CCDC7: variants seen among roughly 807,000 people sequenced by gnomAD.
CCDC7 encodes the protein coiled-coil domain containing 7.
A neutral mutation model predicts 196.9 loss-of-function variants in CCDC7; 183 were observed. That is an observed-to-expected ratio of 0.93 (90% CI 0.82 to 1.05). CCDC7 has a LOEUF of 1.05. Ranked by LOEUF, CCDC7 falls within the 50% of genes least tolerant of loss-of-function variation. The probability of loss-of-function intolerance (pLI) is 0.00; values close to 1 mark genes in which losing one functional copy is unlikely to be tolerated. For missense variants in CCDC7, 1,540 were observed against 1,482.2 expected, an observed-to-expected ratio of 1.04 and a Z score of -0.64; for synonymous variants, 525 against 484.6, an observed-to-expected ratio of 1.08 and a Z score of -1.10.
intron 25 of CCDC7, among the ~76,000 whole-genome samples, chr10:32,717,538 TGAA>T (rs1451302909): frequency 3.1e-4 from 47 of 151,928 alleles, no homozygotes; most frequent in Admixed American, 3.1e-3. Context: ...AGAGCAGAAC[TGAA>T]GGAGAGAGAG....
intron 11 of CCDC7, among the ~76,000 whole-genome samples, chr10:32,522,916 CTGAT>C (rs962528853): frequency 7.2e-5 from 11 of 152,134 alleles, no homozygotes; most frequent in East Asian, 5.8e-4. Context: ...TCTTCATTGA[CTGAT>C]TGGTCATTCA....
At chr10:32,784,694 C>G (rs184147298) in intron 29 of CCDC7, among the ~76,000 whole-genome samples, 1 of 152,160 alleles carries the variant, frequency 6.6e-6, no homozygotes, top group Non-Finnish European at 1.5e-5. Context: ...GCCTCAGCCT[C>G]CAGAGTAGCT....
intron 13 of CCDC7, among the ~76,000 whole-genome samples, chr10:32,563,446 A>G (rs1175595797): frequency 6.6e-6 from 1 of 152,230 alleles, no homozygotes; most frequent in African/African-American, 2.4e-5. Flanking sequence ...TGGTACCAAA[A>G]CAGAGATATA....
At chr10:32,459,804 AGG>A (rs2035235320) in intron 3 of CCDC7, among the ~76,000 whole-genome samples, 1 of 152,080 alleles carries the variant, frequency 6.6e-6, no homozygotes, top group Non-Finnish European at 1.5e-5. Context: ...AAAATGAACA[AGG>A]CCAAAGGACC....
intron 9 of CCDC7, among the ~76,000 whole-genome samples, chr10:32,517,574 C>T (rs1177228316): frequency 2.3e-5 from 3 of 127,984 alleles, no homozygotes. Flanking sequence ...ACAATGAGAA[C>T]ACATGGACAC....
intron 41 of CCDC7, among the ~76,000 whole-genome samples, chr10:32,865,870 C>A (rs538393234): frequency 1.1e-4 from 17 of 151,864 alleles, no homozygotes; most frequent in African/African-American, 4.1e-4. Flanking sequence ...CATGTTTTCC[C>A]ATTATTGGAA....
intron 24 of CCDC7, among the ~76,000 whole-genome samples, chr10:32,703,423 C>A (rs1332448097): frequency 6.6e-6 from 1 of 151,946 alleles, no homozygotes; most frequent in African/African-American, 2.4e-5. Flanking sequence ...GGTAACGCGA[C>A]ATTTCTTTCT....
chr10:32,681,736 T>TACACAC (rs1491330656), intron 21 of CCDC7, among the ~76,000 whole-genome samples: 2 of 100,126 alleles, frequency 2.0e-5, no homozygotes, highest in Admixed American at 1.1e-4. Context: ...TATTTATATG[T>TACACAC]ATACACACAC....
chr10:32,809,954 A>G (rs1242624875), intron 30 of CCDC7, among the ~76,000 whole-genome samples: 1 of 152,206 alleles, frequency 6.6e-6, no homozygotes, highest in East Asian at 1.9e-4. Flanking sequence ...CACTATTCAC[A>G]ATAGCAAAAA....
chr10:32,767,012 C>T (rs868059096), intron 28 of CCDC7, among the ~76,000 whole-genome samples: 24 of 152,138 alleles, frequency 1.6e-4, no homozygotes, highest in Middle Eastern at 3.4e-3. Flanking sequence ...GACTTCCATT[C>T]AGCCATCTTG....
chr10:32,502,895 A>T (rs1184197597), intron 9 of CCDC7, among the ~76,000 whole-genome samples: 1 of 152,012 alleles, frequency 6.6e-6, no homozygotes, highest in Admixed American at 6.5e-5. Flanking sequence ...ATTCCCAAGT[A>T]TTTTATTTCT....
intron 28 of CCDC7, among the ~76,000 whole-genome samples, chr10:32,774,925 T>C (rs2079758461): frequency 6.6e-6 from 1 of 152,102 alleles, no homozygotes; most frequent in South Asian, 2.1e-4. Context: ...TATTAAATCT[T>C]TTGTTGTTGT....
At chr10:32,584,190 G>T in intron 17 of CCDC7, 42 bp from the exon 19 acceptor site, 1 of 1,034,704 alleles carries the variant, frequency 9.7e-7, no homozygotes, top group Non-Finnish European at 1.4e-6. Context: ...ATATATATAT[G>T]TATATAATTT....
intron 18 of CCDC7, among the ~76,000 whole-genome samples, chr10:32,586,884 G>A (rs934955367): frequency 2.5e-4 from 38 of 152,136 alleles, no homozygotes; most frequent in Admixed American, 1.6e-3. Context: ...AATGGCTGTG[G>A]TGGAGGATAC....
intron 24 of CCDC7, among the ~76,000 whole-genome samples, chr10:32,704,878 T>G (rs1031066940): frequency 6.6e-6 from 1 of 151,420 alleles, no homozygotes; most frequent in African/African-American, 2.5e-5. Context: ...AGTATTAGGT[T>G]GGGAGTGACT....
intron 8 of CCDC7, among the ~76,000 whole-genome samples, chr10:32,488,690 T>G (rs901818003): frequency 1.3e-5 from 2 of 152,258 alleles, no homozygotes; most frequent in Non-Finnish European, 2.9e-5. Flanking sequence ...TCTGTTAAAC[T>G]TCTCATTTTG....
At chr10:32,739,455 A>G (rs2085437740) in intron 28 of CCDC7, among the ~76,000 whole-genome samples, 1 of 151,924 alleles carries the variant, frequency 6.6e-6, no homozygotes. Flanking sequence ...AATGTTTTTT[A>G]TTTCTAACAT....
intron 13 of CCDC7, among the ~76,000 whole-genome samples, chr10:32,564,876 C>CT (rs2056514470): frequency 6.6e-6 from 1 of 152,040 alleles, no homozygotes; most frequent in South Asian, 2.1e-4. Context: ...CTTTGGAAGG[C>CT]TGAGGCAGGA....
chr10:32,811,375 C>A (rs549496417), intron 30 of CCDC7, among the ~76,000 whole-genome samples: 1 of 151,934 alleles, frequency 6.6e-6, no homozygotes, highest in Non-Finnish European at 1.5e-5. Flanking sequence ...AACAACTATA[C>A]GCTGATAAAC....
Sources: gnomAD v4.1 joint callset for allele counts (sites outside exome capture counted in the v4.1 genomes callset) on GRCh38, gnomAD v4.1.1 for gene constraint, MANE v1.5 for transcripts, NCBI Gene and HGNC (gene_info 2026-07-23, HGNC 2026-07-21) for gene names.